The following NMT2 variants were observed in gnomAD, a reference collection of about 807,000 sequenced individuals.
The protein encoded by NMT2 is glycylpeptide N-tetradecanoyltransferase 2.
Under a neutral mutation model 65.4 loss-of-function variants are expected in NMT2, and 35 were observed. The observed-to-expected ratio is 0.54, with a 90% CI of 0.41 to 0.71. The LOEUF is 0.71. NMT2 is among the 30% of genes least tolerant of loss of function. The pLI is 0.00. For synonymous variants in NMT2, 226 were observed against 231.8 expected (o/e 0.98, Z 0.23); for missense variants, 489 against 611.3 (o/e 0.80, Z 2.11).
intron 2 of NMT2, chr10:15,139,906 TATA>T (rs1846679538): frequency 8.9e-6 from 1 of 112,622 alleles, no homozygotes; most frequent in Non-Finnish European, 1.8e-5. Flanking sequence ...TATATATATA[TATA>T]TGCACTGTTT....
chr10:15,122,998 A>C (rs929204901), intron 8 of NMT2, among the ~76,000 whole-genome samples: 7 of 152,190 alleles, frequency 4.6e-5, no homozygotes, highest in African/African-American at 1.4e-4. Context: ...CCTGGGCCAC[A>C]CTTTGAGAAC....
intron 2 of NMT2, among the ~76,000 whole-genome samples, chr10:15,137,996 T>G (rs2131564461): frequency 6.7e-6 from 1 of 149,792 alleles, no homozygotes; most frequent in South Asian, 2.1e-4. Flanking sequence ...TTCTTTCTTC[T>G]TCTTCTTCTT....
chr10:15,128,252 C>A, intron 8 of NMT2, 98 bp downstream of exon 8: 1 of 740,212 alleles, frequency 1.4e-6, no homozygotes, highest in Non-Finnish European at 2.4e-6. Flanking sequence ...CTTCCTCAGA[C>A]ACACCAGTCA....
chr10:15,120,023 A>G (rs1480274182), intron 8 of NMT2, among the ~76,000 whole-genome samples: 5 of 152,084 alleles, frequency 3.3e-5, no homozygotes, highest in South Asian at 2.1e-4. Flanking sequence ...ATATTCGGGG[A>G]AAAAAAACTG....
At chr10:15,135,186 T>G in intron 3 of NMT2, 88 bp downstream of exon 3, 1 of 1,293,458 alleles carries the variant, frequency 7.7e-7, no homozygotes, top group Non-Finnish European at 1.1e-6. Context: ...TTAACACTCT[T>G]TGTGTTTTGT....
Position 15,128,475 on chromosome 10 carries a change from G to T in NMT2, c.891-17C>A, listed in dbSNP as rs970107471. On this transcript the variant is annotated splice_polypyrimidine_tract_variant and intron_variant, in intron 7 of 11. Coordinates refer to ENST00000378165, the MANE Select transcript of NMT2 (RefSeq NM_004808.3). ...TGCCAGTATCTGGAATACAATAAAG[G>T]TTTTAAAATCAAATTGATTTCTAAC... 7.6e-6 allele frequency: 11 copies of T among 1,440,972 alleles called. No homozygotes were observed. The highest frequency in any genetic ancestry group is 7.2e-5 in the Admixed American group (4 of 55,282). The allele number at this position is 1,440,972 out of a possible 1,614,324, so 89.3% of individuals were successfully genotyped here.
intron 1 of NMT2, among the ~76,000 whole-genome samples, chr10:15,154,576 G>C (rs1448028134): frequency 6.6e-6 from 1 of 152,114 alleles, no homozygotes; most frequent in Non-Finnish European, 1.5e-5. Context: ...CAATTTTATG[G>C]GTAGATTATT....
intron 1 of NMT2, among the ~76,000 whole-genome samples, chr10:15,145,820 C>G (rs934831540): frequency 3.3e-5 from 5 of 152,194 alleles, no homozygotes; most frequent in African/African-American, 1.2e-4. Context: ...TCAGCTGTGG[C>G]TGCTTAGCCA....
intron 7 of NMT2, 105 bp from the exon 8 acceptor site, chr10:15,128,563 G>T: frequency 1.4e-6 from 1 of 708,838 alleles, no homozygotes; most frequent in Non-Finnish European, 2.5e-6. Flanking sequence ...GAATACTTAC[G>T]TTGTACTAGA....
At chr10:15,128,521 G>A in intron 7 of NMT2, 63 bp from the exon 8 acceptor site, 6 of 1,036,418 alleles carry the variant, frequency 5.8e-6, no homozygotes, top group Non-Finnish European at 9.0e-6. Flanking sequence ...TTCACTCTTT[G>A]TCTCAGCTTG....
intron 1 of NMT2, among the ~76,000 whole-genome samples, chr10:15,150,047 T>C (rs1035892972): frequency 2.6e-5 from 4 of 152,172 alleles, no homozygotes; most frequent in African/African-American, 7.2e-5. Context: ...GGTGTTCTGG[T>C]TGGAATCCCA....
rs1314654361 is a variant in NMT2 at position 15,155,163 on chromosome 10, T to C, written c.110+13340A>G. The C allele has an allele frequency of 3.9e-6, 6 of 1,531,386 alleles. No individual in the cohort carries two copies. The African/African-American group carries it at 6.8e-5, about 17-fold the overall frequency. 94.9% of individuals were successfully genotyped at this position (1,531,386 alleles called of 1,614,324 possible). ...ACACAAAAGCCCTAGAATAATTCTG[T>C]GAAAGCAGGAACCCTTATAACCAAA... On this transcript the variant is annotated intron_variant, in intron 1 of 11. Transcript: ENST00000378165.
chr10:15,155,214 C>T (rs760635722), intron 1 of NMT2: 27 of 1,529,938 alleles, frequency 1.8e-5, no homozygotes, highest in East Asian at 2.3e-5. Context: ...GCTCAGAGCA[C>T]GAAAGTTTTC....
At chr10:15,126,536 C>T (rs1023732625) in intron 8 of NMT2, among the ~76,000 whole-genome samples, 3 of 152,106 alleles carry the variant, frequency 2.0e-5, no homozygotes, top group African/African-American at 4.8e-5. Context: ...TCTATAGACT[C>T]TCTCTCTCAC....
intron 8 of NMT2, among the ~76,000 whole-genome samples, chr10:15,127,911 A>G (rs1846151766): frequency 6.6e-6 from 1 of 151,838 alleles, no homozygotes; most frequent in South Asian, 2.1e-4. Flanking sequence ...AAAAAAAAAA[A>G]ATGACAACTT....
In NMT2 at chr10:15,112,812, A is replaced by G; in HGVS notation, c.1322T>C (p.Leu441Pro). ...TPLLDLMSDA[L>P]ILAKSKGFDV... Reference sequence around the variant, plus strand: ...GTGGCTTACCGATTTAGCCAGGATGAGCGCGTCGCTCATGAGGTCCAGCAG... The same window carrying G: ...GTGGCTTACCGATTTAGCCAGGATGGGCGCGTCGCTCATGAGGTCCAGCAG... Residue 441 changes from leucine to proline, a missense_variant, in exon 10 of 12, where the codon CTC becomes CCC. Leu to Pro is a moderately conservative substitution (Grantham distance 98). Coordinates refer to ENST00000378165, the MANE Select transcript of NMT2 (RefSeq NM_004808.3). 1.2e-6 allele frequency: 2 copies of G among 1,612,598 alleles called. No homozygotes were observed. Among genetic ancestry groups the G allele is most frequent in the Non-Finnish European group, 1.7e-6 (2 of 1,179,536 alleles).
At position 15,148,800 on chromosome 10, in the gene NMT2, TA is replaced by T. The variant is rs891641035; in HGVS notation, c.111-7244del. 1.2e-3 allele frequency among the ~76,000 whole-genome samples: 181 copies of T among 148,850 alleles called. 1 individual carries two copies. Among genetic ancestry groups the T allele is most frequent in the Middle Eastern group, 6.8e-3 (2 of 294 alleles). Reference sequence around the variant, plus strand: ...ATTTGCTAGATGAATGAGAAATCAATAAAAAAAAATTAAGAAAAAGAAGACT... The same window carrying T: ...ATTTGCTAGATGAATGAGAAATCAATAAAAAAAATTAAGAAAAAGAAGACT... On this transcript the variant is annotated intron_variant, in intron 1 of 11. Transcript: ENST00000378165.
At chr10:15,136,439 G>C (rs1443005671) in intron 2 of NMT2, among the ~76,000 whole-genome samples, 4 of 140,688 alleles carry the variant, frequency 2.8e-5, no homozygotes, top group African/African-American at 1.1e-4. Context: ...AGGAAGGAGA[G>C]GGACAGGGGG....
chr10:15,152,206 A>G (rs1376632700), intron 1 of NMT2, among the ~76,000 whole-genome samples: 3 of 152,236 alleles, frequency 2.0e-5, no homozygotes, highest in Non-Finnish European at 4.4e-5. Context: ...GTGAGGCTGT[A>G]CAAATGGCGC....
Sources: gnomAD v4.1 joint callset for allele counts (sites outside exome capture counted in the v4.1 genomes callset) on GRCh38, gnomAD v4.1.1 for gene constraint, MANE v1.5 for transcripts, NCBI Gene and HGNC (gene_info 2026-07-23, HGNC 2026-07-21) for gene names.